LRP1B: variants seen among roughly 807,000 people sequenced by gnomAD.
LRP1B encodes low-density lipoprotein receptor-related protein 1B.
In LRP1B, 217 loss-of-function variants were observed where a neutral mutation model predicts 556.6. The observed-to-expected ratio is 0.39, with a 90% confidence interval of 0.35 to 0.44. The LOEUF is 0.44. Ranked by LOEUF, LRP1B falls within the 20% of genes least tolerant of loss-of-function variation. LRP1B has a pLI of 1.00. For missense variants in LRP1B, 5,053 were observed against 5,620.8 expected (o/e 0.90, Z 3.23); for synonymous variants, 2,047 against 1,865.8 (o/e 1.10, Z -2.50).
intron 1 of LRP1B, among the ~76,000 whole-genome samples, chr2:141,851,184 A>T (rs1697843478): frequency 6.6e-6 from 1 of 151,850 alleles, no homozygotes; most frequent in South Asian, 2.1e-4. Context: ...CAAATGTTTG[A>T]AAGACATAAA....
intron 35 of LRP1B, among the ~76,000 whole-genome samples, chr2:140,757,697 A>G (rs938233036): frequency 2.0e-5 from 3 of 152,180 alleles, no homozygotes; most frequent in Admixed American, 1.3e-4. Context: ...CCTGGCCAAC[A>G]TGGCAAAACC....
intron 60 of LRP1B, among the ~76,000 whole-genome samples, chr2:140,472,065 G>A (rs1181658515): frequency 6.6e-6 from 1 of 152,072 alleles, no homozygotes; most frequent in Non-Finnish European, 1.5e-5. Flanking sequence ...GGAATATTTT[G>A]CACCTACTTC....
At chr2:141,145,330 A>G (rs980911399) in intron 7 of LRP1B, among the ~76,000 whole-genome samples, 4 of 152,072 alleles carry the variant, frequency 2.6e-5, no homozygotes, top group African/African-American at 7.2e-5. Context: ...TATACTGTAT[A>G]TAAGTGTACA....
chr2:141,410,447 T>A (rs1394670797), intron 3 of LRP1B, among the ~76,000 whole-genome samples: 1 of 152,040 alleles, frequency 6.6e-6, no homozygotes, highest in African/African-American at 2.4e-5. Flanking sequence ...GATGATAATG[T>A]CATCAACAAA....
chr2:140,429,594 G>A (rs1314837507), intron 66 of LRP1B, among the ~76,000 whole-genome samples: 6 of 152,130 alleles, frequency 3.9e-5, no homozygotes, highest in South Asian at 2.1e-4. Flanking sequence ...AAAAACACAC[G>A]TGCTCTCCCT....
At position 141,229,389 on chromosome 2, in the gene LRP1B, T is replaced by C; in HGVS notation, c.644A>G (p.Glu215Gly). 1 of 1,606,362 alleles carries C rather than the reference T, an allele frequency of 6.2e-7. No individual in the cohort carries two copies. The highest frequency in any genetic ancestry group is 8.5e-7 in the Non-Finnish European group (1 of 1,173,760). The change falls in exon 6 of 91, where the codon GAG becomes GGG. Residue 215 changes from glutamate to glycine, a missense_variant. Physicochemically the swap from Glu to Gly is moderately conservative, Grantham distance 98. Around this residue, in one of 5 missense-constraint regions of LRP1B, gnomAD observed 3,619 missense variants for 3,931.9 expected, o/e 0.92. Transcript: ENST00000389484. ...TTTACTTCCATTAAGATAGAAAACC[T>C]CAATTGTTTCAAAATTTGCAATTAA... Reference protein sequence around the residue: ...ILLIANFETIEVFYLNGSKMA... With the variant: ...ILLIANFETIGVFYLNGSKMA...
At chr2:141,654,086 G>T (rs1558783169) in intron 2 of LRP1B, among the ~76,000 whole-genome samples, 1 of 152,140 alleles carries the variant, frequency 6.6e-6, no homozygotes, top group East Asian at 1.9e-4. Context: ...AAGAATTAGA[G>T]CCATTTAATG....
intron 32 of LRP1B, among the ~76,000 whole-genome samples, chr2:140,802,210 G>A (rs986759337): frequency 6.6e-6 from 1 of 152,152 alleles, no homozygotes; most frequent in Admixed American, 6.5e-5. Context: ...AAGGAAATTT[G>A]TAAGGTCATT....
chr2:141,528,268 C>T (rs954550935), intron 2 of LRP1B, among the ~76,000 whole-genome samples: 10 of 151,710 alleles, frequency 6.6e-5, no homozygotes, highest in South Asian at 4.2e-4. Flanking sequence ...TTATAATACC[C>T]GTTGTAGTTG....
intron 7 of LRP1B, among the ~76,000 whole-genome samples, chr2:141,105,795 G>A (rs1700589179): frequency 6.6e-6 from 1 of 152,062 alleles, no homozygotes; most frequent in Non-Finnish European, 1.5e-5. Flanking sequence ...TGGAATTAAA[G>A]TGATTTTCAA....
At position 142,043,670 on chromosome 2, in the gene LRP1B, G is replaced by T. The variant is rs570401300; in HGVS notation, c.82+86978C>A. On this transcript the variant is annotated intron_variant, in intron 1 of 90. Coordinates refer to ENST00000389484, the MANE Select transcript of LRP1B (RefSeq NM_018557.3). ...TTTTCCTGTGCTGTGAAAATCAGCTGTCAGTCCGTTTTTCAACAGCTCAAT... is the reference window on the plus strand; with the variant it reads ...TTTTCCTGTGCTGTGAAAATCAGCTTTCAGTCCGTTTTTCAACAGCTCAAT... 9.2e-5 allele frequency among the ~76,000 whole-genome samples: 14 copies of T among 151,778 alleles called. 1 individual carries two copies. In the East Asian group the frequency reaches 1.9e-3, roughly 21 times the overall value.
chr2:141,079,590 T>C (rs970521547), intron 7 of LRP1B, among the ~76,000 whole-genome samples: 3 of 152,216 alleles, frequency 2.0e-5, no homozygotes, highest in Admixed American at 2.0e-4. Flanking sequence ...AATCTTTAGT[T>C]TCCTTCCTTC....
At chr2:141,226,746 T>C (rs1558945841) in intron 6 of LRP1B, among the ~76,000 whole-genome samples, 1 of 152,146 alleles carries the variant, frequency 6.6e-6, no homozygotes, top group Non-Finnish European at 1.5e-5. Context: ...CAAACTGTCA[T>C]AGTGAACACA....
rs1237480242 is a variant in LRP1B, at chr2:140,951,840, A to G, written c.2968+20T>C. The G allele has an allele frequency of 6.3e-7, 1 of 1,591,892 alleles. No individual in the cohort carries two copies. The highest frequency in any genetic ancestry group is 1.3e-5 in the African/African-American group (1 of 74,750). ...GCCCCCGATCAAATTAGTGCTATAC[A>G]GTGAGCATTTGGTACTTGCCAGAGT... On this transcript the variant is annotated intron_variant, in intron 19 of 90. Transcript: ENST00000389484.
chr2:141,578,430 A>G (rs1417410257), intron 2 of LRP1B, among the ~76,000 whole-genome samples: 1 of 151,752 alleles, frequency 6.6e-6, no homozygotes, highest in Admixed American at 6.6e-5. Context: ...GAAAAAAAAA[A>G]TCAGTCACTG....
chr2:141,182,916 A>T (rs1051140116), intron 7 of LRP1B, among the ~76,000 whole-genome samples: 1 of 152,036 alleles, frequency 6.6e-6, no homozygotes, highest in Admixed American at 6.6e-5. Flanking sequence ...TAAGCATTTT[A>T]AAAGTTTAAG....
At chr2:141,478,705 G>A (rs1429872397) in intron 3 of LRP1B, among the ~76,000 whole-genome samples, 6 of 151,790 alleles carry the variant, frequency 4.0e-5, no homozygotes, top group Admixed American at 2.6e-4. Flanking sequence ...CACCACAGCC[G>A]GCTAATTTTT....
At chr2:141,971,951 C>T (rs1458405127) in intron 1 of LRP1B, among the ~76,000 whole-genome samples, 1 of 151,456 alleles carries the variant, frequency 6.6e-6, no homozygotes, top group African/African-American at 2.4e-5. Flanking sequence ...TGTGTAAAAT[C>T]TTCACTAGTC....
Position 140,291,298 on chromosome 2 carries a change from TTATATATA to T in LRP1B, c.12967+6502_12967+6509del, listed in dbSNP as rs66596182. On this transcript the variant is annotated intron_variant, in intron 84 of 90. Transcript: ENST00000389484. ...AGATACCACTTCAAGAAATTTTATT[TTATATATA>T]TATATATATATATTTTTATTATACT... Among the ~76,000 whole-genome samples the T allele has an allele frequency of 1.4e-4, 10 of 72,000 alleles. No homozygotes were observed. In the East Asian group the frequency reaches 2.8e-3, roughly 20 times the overall value. The allele number at this position is 72,000 out of a possible 152,430, so 47.2% of individuals were successfully genotyped here.
Sources: allele counts gnomAD v4.1 joint callset (sites outside exome capture counted in the v4.1 genomes callset), GRCh38; gene constraint gnomAD v4.1.1; regional missense constraint gnomAD v4.1.1; transcripts MANE v1.5; gene names NCBI Gene and HGNC (gene_info 2026-07-23, HGNC 2026-07-21).